Variants in PARD3B observed in about 807,000 individuals in gnomAD.
PARD3B encodes the protein partitioning defective 3 homolog B.
PARD3B carries 103 observed loss-of-function variants against 130.2 expected under a neutral mutation model. The observed-to-expected ratio is 0.79, with a 90% CI of 0.67 to 0.93. PARD3B has a LOEUF of 0.93. Ranked by LOEUF, PARD3B falls within the 40% of genes least tolerant of loss-of-function variation. PARD3B has a pLI of 0.00. For synonymous variants in PARD3B, 583 were observed against 553.2 expected, an observed-to-expected ratio of 1.05 and a Z score of -0.76; for missense variants, 1,609 against 1,499.2, an observed-to-expected ratio of 1.07 and a Z score of -1.21.
At chr2:204,963,560 T>A (rs1240941635) in intron 2 of PARD3B, among the ~76,000 whole-genome samples, 1 of 152,154 alleles carries the variant, frequency 6.6e-6, no homozygotes, top group Admixed American at 6.6e-5. Context: ...TACACAAAAT[T>A]GAAGTTATTA....
intron 1 of PARD3B, among the ~76,000 whole-genome samples, chr2:204,632,113 C>G (rs546236778): frequency 8.7e-4 from 132 of 152,160 alleles, no homozygotes; most frequent in Middle Eastern, 3.4e-3. Flanking sequence ...ACCATCCCCT[C>G]GTTACTATCC....
At chr2:205,500,329 C>G (rs1171050123) in intron 21 of PARD3B, among the ~76,000 whole-genome samples, 1 of 152,170 alleles carries the variant, frequency 6.6e-6, no homozygotes. Flanking sequence ...ATCTTTGTCA[C>G]CATCCACTGA....
At position 205,321,421 on chromosome 2, in the gene PARD3B, T is replaced by G. The variant is rs1209069208; in HGVS notation, c.2630+19720T>G. On this transcript the variant is annotated intron_variant, in intron 18 of 22. Coordinates refer to ENST00000406610, the MANE Select transcript of PARD3B (RefSeq NM_001302769.2). The surrounding 1 kb of genome is among the most constrained non-coding windows in gnomAD (Gnocchi z 4.2). ...CCCAGATTCCTCAGATAGTAACATTTTTTCTGAATTAGCTGTAGCATTCTC... is the reference window on the plus strand; with the variant it reads ...CCCAGATTCCTCAGATAGTAACATTGTTTCTGAATTAGCTGTAGCATTCTC... 6.6e-6 allele frequency among the ~76,000 whole-genome samples: 1 copy of G among 152,160 alleles called. No homozygotes were observed. Among genetic ancestry groups the G allele is most frequent in the Admixed American group, 6.5e-5 (1 of 15,268 alleles).
rs574070442 is a variant in PARD3B, at chr2:205,265,817, A to C, written c.2185+19995A>C. ...AATTTTCAGAGATGAATTTTATCAAATACATATTTTTAAATTAAATGGGCT... is the reference window on the plus strand; with the variant it reads ...AATTTTCAGAGATGAATTTTATCAACTACATATTTTTAAATTAAATGGGCT... On this transcript the variant is annotated intron_variant, in intron 16 of 22. Coordinates refer to ENST00000406610, the MANE Select transcript of PARD3B (RefSeq NM_001302769.2). The surrounding 1 kb of genome is among the most constrained non-coding windows in gnomAD (Gnocchi z 4.3). Among the ~76,000 whole-genome samples the C allele has an allele frequency of 3.9e-5, 6 of 152,152 alleles. No homozygotes were observed. The highest frequency in any genetic ancestry group is 3.3e-4 in the Admixed American group (5 of 15,258).
intron 20 of PARD3B, among the ~76,000 whole-genome samples, chr2:205,499,028 A>G (rs968079224): frequency 6.6e-6 from 1 of 152,118 alleles, no homozygotes; most frequent in African/African-American, 2.4e-5. Context: ...GTCTGGTGCA[A>G]TGGGGCACTC....
Position 205,231,169 on chromosome 2 carries a change from C to T in PARD3B, c.2141-14609C>T, listed in dbSNP as rs143448710. Among the ~76,000 whole-genome samples the T allele has an allele frequency of 3.2e-3, 485 of 152,058 alleles. 4 individuals are homozygous for T. Among genetic ancestry groups the T allele is most frequent in the African/African-American group, 0.011 (456 of 41,476 alleles). ...TTTTCATGTGTCTAGTAGTTCAATT[C>T]GGTGTGCTTGTGGGGAGGATTATCA... is the stretch of plus-strand genomic sequence containing the variant. On this transcript the variant is annotated intron_variant, in intron 15 of 22. Transcript: ENST00000406610.
intron 18 of PARD3B, among the ~76,000 whole-genome samples, chr2:205,361,350 T>G (rs997914286): frequency 6.6e-6 from 1 of 152,170 alleles, no homozygotes; most frequent in Non-Finnish European, 1.5e-5. Flanking sequence ...CACCCCATAG[T>G]AGACATAAAT....
At position 205,105,621 on chromosome 2, in the gene PARD3B, G is replaced by A. The variant is rs1356125415; in HGVS notation, c.593+1107G>A. 1.3e-5 allele frequency among the ~76,000 whole-genome samples: 2 copies of A among 151,916 alleles called. No homozygotes were observed. The highest frequency in any genetic ancestry group is 4.8e-5 in the African/African-American group (2 of 41,358). On this transcript the variant is annotated intron_variant, in intron 5 of 22. Coordinates refer to ENST00000406610, the MANE Select transcript of PARD3B (RefSeq NM_001302769.2). The surrounding 1 kb of genome is among the most constrained non-coding windows in gnomAD (Gnocchi z 4.0). ...TACTCTTTATTTAGATCGTTTCTTT[G>A]ACTGATGAGCTATACAGTATTAAAA...
chr2:205,294,228 C>T (rs954383796), intron 16 of PARD3B, among the ~76,000 whole-genome samples: 2 of 151,946 alleles, frequency 1.3e-5, no homozygotes, highest in Admixed American at 6.6e-5. Context: ...GTCTGGGATC[C>T]TCAGTTGCCC....
At chr2:204,830,797 G>A (rs1305219858) in intron 2 of PARD3B, among the ~76,000 whole-genome samples, 3 of 152,180 alleles carry the variant, frequency 2.0e-5, no homozygotes, top group African/African-American at 7.2e-5. Context: ...AAGACCATGG[G>A]TACTCTGTAG....
rs113222539 is a variant in PARD3B at position 205,200,891 on chromosome 2, G to A, written c.2140+7571G>A. Among the ~76,000 whole-genome samples the A allele has an allele frequency of 7.7e-3, 1,179 of 152,174 alleles. 16 individuals are homozygous for A. Among genetic ancestry groups the A allele is most frequent in the Middle Eastern group, 0.014 (4 of 294 alleles). On this transcript the variant is annotated intron_variant, in intron 15 of 22. Coordinates refer to ENST00000406610, the MANE Select transcript of PARD3B (RefSeq NM_001302769.2). ...TTAATTGTATAAGTGTAGGATTTAC[G>A]AGAGTGGGGATAGTAACTATTGAAG...
chr2:204,635,616 A>G (rs542079954), intron 1 of PARD3B, among the ~76,000 whole-genome samples: 3 of 152,284 alleles, frequency 2.0e-5, no homozygotes, highest in African/African-American at 7.2e-5. Context: ...TTAACTCTCA[A>G]TGATGGACAG....
At chr2:205,362,274 CTGCTT>C (rs779811707) in intron 18 of PARD3B, among the ~76,000 whole-genome samples, 9 of 152,206 alleles carry the variant, frequency 5.9e-5, no homozygotes, top group Non-Finnish European at 8.8e-5. Flanking sequence ...AAATAATAGC[CTGCTT>C]TATTTTGATT....
chr2:204,866,701 T>G (rs1018688996), intron 2 of PARD3B, among the ~76,000 whole-genome samples: 1 of 151,734 alleles, frequency 6.6e-6, no homozygotes, highest in Non-Finnish European at 1.5e-5. Flanking sequence ...ATATATATGT[T>G]TATGTATGTA....
chr2:205,362,825 G>A (rs1402488888), intron 18 of PARD3B, among the ~76,000 whole-genome samples: 2 of 152,148 alleles, frequency 1.3e-5, no homozygotes, highest in African/African-American at 4.8e-5. Flanking sequence ...ATTAGAAGCC[G>A]GCTTGCCTGA....
intron 18 of PARD3B, among the ~76,000 whole-genome samples, chr2:205,328,646 T>C (rs2043013242): frequency 6.6e-6 from 1 of 152,190 alleles, no homozygotes; most frequent in South Asian, 2.1e-4. Flanking sequence ...TTTTTCGATT[T>C]TACTACACTT....
intron 1 of PARD3B, among the ~76,000 whole-genome samples, chr2:204,685,900 AT>A (rs1270082522): frequency 6.6e-6 from 1 of 152,172 alleles, no homozygotes; most frequent in African/African-American, 2.4e-5. Context: ...GGTTATAAAA[AT>A]TCCCTGAGTA....
At chr2:204,807,335 A>G (rs571822650) in intron 2 of PARD3B, among the ~76,000 whole-genome samples, 11 of 152,286 alleles carry the variant, frequency 7.2e-5, no homozygotes, top group Non-Finnish European at 1.3e-4. Flanking sequence ...TTCAAAGGAC[A>G]GGCAATAACA....
intron 2 of PARD3B, among the ~76,000 whole-genome samples, chr2:204,709,266 A>G (rs1224830144): frequency 6.6e-6 from 1 of 152,176 alleles, no homozygotes; most frequent in East Asian, 1.9e-4. Flanking sequence ...TCATGTCAGT[A>G]CCCAATAAAA....
Sources: gnomAD v4.1 joint callset for allele counts (sites outside exome capture counted in the v4.1 genomes callset) on GRCh38, gnomAD v4.1.1 for gene constraint, Gnocchi (gnomAD v3.1) non-coding constraint, MANE v1.5 for transcripts, NCBI Gene and HGNC (gene_info 2026-07-23, HGNC 2026-07-21) for gene names.